The following PXDNL variants were observed in gnomAD, a reference collection of about 807,000 sequenced individuals.
The protein encoded by PXDNL is probable oxidoreductase PXDNL.
Under a neutral mutation model 150.8 loss-of-function variants are expected in PXDNL, and 145 were observed. The observed-to-expected ratio is 0.96, with a 90% CI of 0.84 to 1.10. The LOEUF is 1.10. Ranked by LOEUF, PXDNL falls within the 50% of genes least tolerant of loss-of-function variation. The pLI is 0.00. For synonymous variants in PXDNL, 757 were observed against 725.7 expected (o/e 1.04, Z -0.69); for missense variants, 2,087 against 1,873.9 (o/e 1.11, Z -2.10).
At chr8:51,798,500 C>T (rs2037586077) in intron 1 of PXDNL, among the ~76,000 whole-genome samples, 1 of 152,120 alleles carries the variant, frequency 6.6e-6, no homozygotes, top group South Asian at 2.1e-4. Context: ...AGAAACAAAA[C>T]AACCCCATTA....
chr8:51,534,849 G>A (rs1812027613), intron 4 of PXDNL, among the ~76,000 whole-genome samples: 2 of 113,760 alleles, frequency 1.8e-5, no homozygotes, highest in Middle Eastern at 6.2e-3. Context: ...GAGGTGGGGG[G>A]ATCAGCCCCC....
intron 5 of PXDNL, among the ~76,000 whole-genome samples, chr8:51,496,904 T>C (rs1380958705): frequency 2.0e-5 from 3 of 152,166 alleles, no homozygotes; most frequent in Admixed American, 2.0e-4. Context: ...AAGCTACCAA[T>C]GACTTTCTTC....
At chr8:51,431,487 A>G (rs1384134599) in intron 12 of PXDNL, among the ~76,000 whole-genome samples, 1 of 152,188 alleles carries the variant, frequency 6.6e-6, no homozygotes, top group Non-Finnish European at 1.5e-5. Flanking sequence ...TCAGGCCCTT[A>G]AACAAAATTC....
Position 51,487,248 on chromosome 8 carries a change from A to T in PXDNL, c.453-3534T>A, listed in dbSNP as rs1466428417. Among the ~76,000 whole-genome samples the T allele has an allele frequency of 2.6e-5, 4 of 152,148 alleles. No homozygotes were observed. In the East Asian group the frequency reaches 7.7e-4, roughly 29 times the overall value. On this transcript the variant is annotated intron_variant, in intron 5 of 22. Coordinates refer to ENST00000356297, the MANE Select transcript of PXDNL (RefSeq NM_144651.5). ...TGTGACAGAAACATGCATATTATCT[A>T]AAAAAGTCAAGTCATGAATGAGCAT...
At chr8:51,365,908 G>A (rs1806903518) in intron 19 of PXDNL, among the ~76,000 whole-genome samples, 1 of 152,170 alleles carries the variant, frequency 6.6e-6, no homozygotes, top group Admixed American at 6.5e-5. Context: ...AGGCACTTAT[G>A]CTAAAAGCAG....
chr8:51,411,330 G>C lies in PXDNL; in HGVS notation c.1982C>G (p.Ala661Gly). 6.3e-7 allele frequency: 1 copy of C among 1,590,656 alleles called. No individual in the cohort carries two copies. The highest frequency in any genetic ancestry group is 8.5e-7 in the Non-Finnish European group (1 of 1,170,598). ...CAGCGTGTGCTCAAAAATCTCCCCT[G>C]CTCTTGCCATTTCCACAATCAGTGG... ...RDPLIVEMAR[A>G]GEIFEHTLQL... Residue 661 changes from alanine to glycine, a missense_variant, in exon 16 of 23, where the codon GCA (alanine) becomes GGA (glycine). By Grantham distance (60) the Ala-to-Gly change is moderately conservative. Transcript: ENST00000356297.
chr8:51,376,723 CTCT>C (rs2130796478), intron 17 of PXDNL, among the ~76,000 whole-genome samples: 1 of 149,110 alleles, frequency 6.7e-6, no homozygotes, highest in African/African-American at 2.6e-5. Flanking sequence ...CTCTCTCTCT[CTCT>C]TTTTTTTTTT....
intron 3 of PXDNL, among the ~76,000 whole-genome samples, chr8:51,562,891 T>C (rs4577948): frequency 0.32 from 48,958 of 151,732 alleles, 11,086 homozygotes; most frequent in African/African-American, 0.64. Context: ...TTTTGCAGGC[T>C]TTATAGTGGG....
chr8:51,700,383 A>G (rs963164201), intron 1 of PXDNL, among the ~76,000 whole-genome samples: 1 of 151,662 alleles, frequency 6.6e-6, no homozygotes, highest in Admixed American at 6.6e-5. Flanking sequence ...GTATAGACAC[A>G]TACACACAGA....
rs571518370 is a variant in PXDNL at position 51,612,848 on chromosome 8, C to T, written c.237-20150G>A. On this transcript the variant is annotated intron_variant, in intron 2 of 22. Transcript: ENST00000356297. Reference sequence around the variant, plus strand: ...CAGTCTATGATATTTTGTTATATAACAGCCTGAATAAACTAAGACACATGG... The same window carrying T: ...CAGTCTATGATATTTTGTTATATAATAGCCTGAATAAACTAAGACACATGG... Among the ~76,000 whole-genome samples, 26 of 152,330 alleles carry T rather than the reference C, an allele frequency of 1.7e-4. No individual in the cohort carries two copies. In the South Asian group the frequency reaches 5.2e-3, roughly 30 times the overall value.
At chr8:51,492,268 A>G (rs775422074) in intron 5 of PXDNL, among the ~76,000 whole-genome samples, 20 of 152,218 alleles carry the variant, frequency 1.3e-4, no homozygotes, top group Non-Finnish European at 2.5e-4. Context: ...GAGAAATAGC[A>G]TATCATCAGC....
chr8:51,474,916 A>G, intron 7 of PXDNL, 56 bp downstream of exon 7: 5 of 1,396,642 alleles, frequency 3.6e-6, no homozygotes, highest in Non-Finnish European at 4.8e-6. Context: ...AACCTTTACA[A>G]AAAGAGAGCA....
rs1026374957 is a variant in PXDNL at position 51,554,555 on chromosome 8, T to C, written c.380+2285A>G. Among the ~76,000 whole-genome samples, 7 of 152,194 alleles carry C rather than the reference T, an allele frequency of 4.6e-5. No homozygotes were observed. The East Asian group carries it at 1.3e-3, about 29-fold the overall frequency. Reference sequence around the variant, plus strand: ...TTTAAATCATTCATCTCTTCCTACATTTTACTCTAGGCATTTAATAGAAGC... The same window carrying C: ...TTTAAATCATTCATCTCTTCCTACACTTTACTCTAGGCATTTAATAGAAGC... On this transcript the variant is annotated intron_variant, in intron 4 of 22. Coordinates refer to ENST00000356297, the MANE Select transcript of PXDNL (RefSeq NM_144651.5).
intron 17 of PXDNL, among the ~76,000 whole-genome samples, chr8:51,404,230 G>T (rs146267703): frequency 2.0e-4 from 30 of 152,340 alleles, no homozygotes; most frequent in African/African-American, 7.2e-4. Flanking sequence ...CCACACTGTC[G>T]AAAGAGACCG....
chr8:51,578,938 C>T (rs1813146892), intron 3 of PXDNL, among the ~76,000 whole-genome samples: 1 of 151,952 alleles, frequency 6.6e-6, no homozygotes, highest in Non-Finnish European at 1.5e-5. Flanking sequence ...AAGCCTCACA[C>T]CTTTTACAAA....
chr8:51,363,878 T>C lies in PXDNL; in HGVS notation c.3901+7995A>G, dbSNP rs115257004. On this transcript the variant is annotated intron_variant, in intron 19 of 22. Coordinates refer to ENST00000356297, the MANE Select transcript of PXDNL (RefSeq NM_144651.5). The stretch of plus-strand genomic sequence containing the variant: ...AGCTAAAAGATTATTCCTGGAGAAA[T>C]AGCCAGAGATAGGATACTTATTTCA... Among the ~76,000 whole-genome samples, 885 of 152,196 alleles carry C rather than the reference T, an allele frequency of 5.8e-3. 6 individuals are homozygous for C. The highest frequency in any genetic ancestry group is 0.02 in the African/African-American group (848 of 41,494).
intron 14 of PXDNL, among the ~76,000 whole-genome samples, chr8:51,418,218 A>G (rs1808852014): frequency 6.6e-6 from 1 of 152,150 alleles, no homozygotes; most frequent in South Asian, 2.1e-4. Context: ...ATATTTCCCC[A>G]CTCATTGTAT....
intron 13 of PXDNL, among the ~76,000 whole-genome samples, chr8:51,424,634 AT>A (rs1809044831): frequency 6.6e-6 from 1 of 152,152 alleles, no homozygotes; most frequent in Non-Finnish European, 1.5e-5. Context: ...ACTTACATAC[AT>A]TTTCATTATT....
chr8:51,460,871 C>T (rs2130021435), intron 8 of PXDNL, among the ~76,000 whole-genome samples: 1 of 152,280 alleles, frequency 6.6e-6, no homozygotes, highest in East Asian at 1.9e-4. Context: ...CCAAGGCTCT[C>T]CATCTTGCTC....
Sources: allele counts gnomAD v4.1 joint callset (sites outside exome capture counted in the v4.1 genomes callset), GRCh38; gene constraint gnomAD v4.1.1; transcripts MANE v1.5; gene names NCBI Gene and HGNC (gene_info 2026-07-23, HGNC 2026-07-21).